UNC93A: variants seen among roughly 807,000 people sequenced by gnomAD.
UNC93A encodes N-acetylglucosamine transporter UNC93A.
UNC93A carries 43 observed loss-of-function variants against 47.5 expected under a neutral mutation model. The observed-to-expected ratio is 0.91, with a 90% CI of 0.71 to 1.17. The LOEUF is 1.17. Ranked by LOEUF, UNC93A falls within the 50% of genes most tolerant of loss-of-function variation. The probability of loss-of-function intolerance (pLI) is 0.00; values close to 1 mark genes in which losing one functional copy is unlikely to be tolerated. For missense variants in UNC93A, 605 were observed against 577.6 expected (o/e 1.05, Z -0.49); for synonymous variants, 280 against 258.0 (o/e 1.09, Z -0.82).
chr6:167,283,777 A>T (rs1420262119), intron 1 of UNC93A, among the ~76,000 whole-genome samples: 3 of 152,244 alleles, frequency 2.0e-5, no homozygotes, highest in Non-Finnish European at 4.4e-5. Context: ...GAGAGAAATT[A>T]TAACTACTCA....
intron 5 of UNC93A, among the ~76,000 whole-genome samples, chr6:167,304,411 T>G (rs1213155982): frequency 6.6e-6 from 1 of 152,212 alleles, no homozygotes; most frequent in Non-Finnish European, 1.5e-5. Context: ...CCGGAACAAG[T>G]GGATGGGCAG....
At chr6:167,288,449 T>TACAC (rs10586281), upstream of UNC93A, among the ~76,000 whole-genome samples, 9,507 of 134,676 alleles carry the variant, frequency 0.071, 429 homozygotes, top group Admixed American at 0.17. Context: ...TGTTCTTCCT[T>TACAC]ACACACACAC....
chr6:167,309,772 C>T (rs1484151458), intron 7 of UNC93A, among the ~76,000 whole-genome samples: 1 of 152,184 alleles, frequency 6.6e-6, no homozygotes, highest in African/African-American at 2.4e-5. Flanking sequence ...CTGAAAATCA[C>T]CTTTGAACAA....
At chr6:167,293,913 G>A (rs1777967452) in intron 1 of UNC93A, among the ~76,000 whole-genome samples, 2 of 152,170 alleles carry the variant, frequency 1.3e-5, no homozygotes, top group African/African-American at 4.8e-5. Flanking sequence ...CAGCACCCTC[G>A]TGGCGGTGTG....
At chr6:167,294,996 G>T (rs1488343726) in intron 2 of UNC93A, among the ~76,000 whole-genome samples, 1 of 152,108 alleles carries the variant, frequency 6.6e-6, no homozygotes, top group African/African-American at 2.4e-5. Context: ...GCTGGGCGAG[G>T]GTTCCAGTAA....
intron 1 of UNC93A, among the ~76,000 whole-genome samples, chr6:167,276,249 A>C (rs962157592): frequency 6.6e-6 from 1 of 151,800 alleles, no homozygotes; most frequent in East Asian, 1.9e-4. Flanking sequence ...TCATCCATTC[A>C]TCTGGTGGTG....
At chr6:167,283,502 C>G (rs372570095) in intron 1 of UNC93A, among the ~76,000 whole-genome samples, 2 of 152,114 alleles carry the variant, frequency 1.3e-5, no homozygotes, top group South Asian at 2.1e-4. Flanking sequence ...GCGGGTCTTA[C>G]AATTTCATTT....
At chr6:167,280,604 G>T (rs1732820519) in intron 1 of UNC93A, among the ~76,000 whole-genome samples, 1 of 152,146 alleles carries the variant, frequency 6.6e-6, no homozygotes. Flanking sequence ...GAGCCCCGAG[G>T]CCGCTCAGTC....
At chr6:167,284,312 GCTT>G (rs1265543806) in intron 1 of UNC93A, among the ~76,000 whole-genome samples, 4 of 151,930 alleles carry the variant, frequency 2.6e-5, no homozygotes, top group African/African-American at 9.7e-5. Context: ...AGTTGCGTGA[GCTT>G]CTAGAGACTG....
At chr6:167,306,290 G>A (rs930349798) in intron 6 of UNC93A, among the ~76,000 whole-genome samples, 2 of 152,206 alleles carry the variant, frequency 1.3e-5, no homozygotes, top group African/African-American at 4.8e-5. Context: ...CACACAGCAA[G>A]TGCCTGCTCC....
intron 7 of UNC93A, among the ~76,000 whole-genome samples, chr6:167,310,307 T>G (rs1030082324): frequency 3.3e-5 from 5 of 152,424 alleles, no homozygotes; most frequent in African/African-American, 1.2e-4. Flanking sequence ...GATAATTCCC[T>G]AAATGCTCCC....
intron 7 of UNC93A, among the ~76,000 whole-genome samples, chr6:167,313,468 C>T (rs1778610196): frequency 6.6e-6 from 1 of 151,886 alleles, no homozygotes; most frequent in African/African-American, 2.4e-5. Flanking sequence ...GCTGAATTGG[C>T]CTTGGACCAA....
rs560655966 is a variant in UNC93A, at chr6:167,304,998, A to G, written c.840+865A>G. 2.0e-5 allele frequency among the ~76,000 whole-genome samples: 3 copies of G among 152,318 alleles called. No individual in the cohort carries two copies. In the South Asian group the frequency reaches 6.2e-4, roughly 32 times the overall value. On this transcript the variant is annotated intron_variant, in intron 5 of 7. Transcript: ENST00000230256. ...CGGTGCCCCACCTCAGGGTGCATAA[A>G]GAAAGAAGCCACTCCTGGAGGCTGT...
At chr6:167,284,767 G>A (rs2115092385) in intron 1 of UNC93A, among the ~76,000 whole-genome samples, 1 of 152,274 alleles carries the variant, frequency 6.6e-6, no homozygotes, top group East Asian at 1.9e-4. Context: ...CGTGTCCGGG[G>A]TGCAGACCCA....
chr6:167,280,688 C>T (rs1000232584), intron 1 of UNC93A, among the ~76,000 whole-genome samples: 2 of 152,188 alleles, frequency 1.3e-5, no homozygotes, highest in Non-Finnish European at 2.9e-5. Flanking sequence ...CAGGGGACAG[C>T]ACTCTGTCTT....
At chr6:167,298,168 T>C in intron 4 of UNC93A, 98 bp downstream of exon 4, 1 of 1,491,596 alleles carries the variant, frequency 6.7e-7, no homozygotes. Flanking sequence ...GTAAAAGTAA[T>C]CTCTCTTCTT....
At chr6:167,300,469 G>T (rs1778211378) in intron 4 of UNC93A, among the ~76,000 whole-genome samples, 1 of 152,096 alleles carries the variant, frequency 6.6e-6, no homozygotes, top group Non-Finnish European at 1.5e-5. Context: ...GAGGCTCAGG[G>T]GGGAGGCTGG....
chr6:167,281,680 A>G (rs972875787), intron 1 of UNC93A, among the ~76,000 whole-genome samples: 1 of 152,132 alleles, frequency 6.6e-6, no homozygotes, highest in African/African-American at 2.4e-5. Flanking sequence ...GGGGCTGTCA[A>G]AAAGGTGAGA....
At chr6:167,287,715 G>GTGTGTGTGTGCA (rs1291515752), upstream of UNC93A, among the ~76,000 whole-genome samples, 1 of 145,752 alleles carries the variant, frequency 6.9e-6, no homozygotes, top group Non-Finnish European at 1.5e-5. Flanking sequence ...GTGTGCATAT[G>GTGTGTGTGTGCA]TGTGTGTGTG....
Sources: allele counts gnomAD v4.1 joint callset (sites outside exome capture counted in the v4.1 genomes callset), GRCh38; gene constraint gnomAD v4.1.1; transcripts MANE v1.5; gene names NCBI Gene and HGNC (gene_info 2026-07-23, HGNC 2026-07-21).